CYP2A7: variants seen among roughly 807,000 people sequenced by gnomAD.
CYP2A7 encodes cytochrome P450 2A7.
Under a neutral mutation model 42.0 loss-of-function variants are expected in CYP2A7, and 36 were observed. The ratio of observed to expected loss-of-function variants is 0.86; its 90% CI spans 0.66 to 1.13. CYP2A7 has a LOEUF of 1.13. Ranked by LOEUF, CYP2A7 falls within the 50% of genes most tolerant of loss-of-function variation. The pLI is 0.00. For missense variants in CYP2A7, 661 were observed against 634.1 expected, an observed-to-expected ratio of 1.04 and a Z score of -0.46; for synonymous variants, 260 against 249.5, an observed-to-expected ratio of 1.04 and a Z score of -0.40.
Position 40,879,915 on chromosome 19 carries a change from T to A in CYP2A7, c.654+169A>T, listed in dbSNP as rs577830452. ...GAGCATCTGTTGAGCTATCCAGGTGTCCTTGGAGACAGGCTTCTGGTGCAA... is the reference window on the plus strand; with the variant it reads ...GAGCATCTGTTGAGCTATCCAGGTGACCTTGGAGACAGGCTTCTGGTGCAA... On this transcript the variant is annotated intron_variant, in intron 4 of 8. Coordinates refer to ENST00000301146, the MANE Select transcript of CYP2A7 (RefSeq NM_000764.3). Among the ~76,000 whole-genome samples, 47 of 151,270 alleles carry A rather than the reference T, an allele frequency of 3.1e-4. 3 individuals carry two copies. The highest frequency in any genetic ancestry group is 1.0e-3 in the South Asian group (5 of 4,772).
chr19:40,880,575 C>G lies in CYP2A7; in HGVS notation c.397G>C (p.Ala133Pro), dbSNP rs78754793. ...RAKQLLRFAI[A>P]TLRDFGVGKR... The stretch of plus-strand genomic sequence containing the variant: ...CCCACCCCGAAGTCCCTCAGGGTGG[C>G]GATGGCAAAGCGCAGGAGCTGCTTG... The change falls in exon 3 of 9, where the codon GCC becomes CCC. Residue 133 changes from alanine (A) to proline (P), a missense_variant. This residue lies in a region of CYP2A7 where 614 missense variants were observed against 552.4 expected (regional missense o/e 1.11). Transcript: ENST00000301146. 1.8e-3 allele frequency: 2,888 copies of G among 1,606,222 alleles called. 142 individuals carry two copies. In the African/African-American group the frequency reaches 0.03, roughly 17 times the overall value.
intron 7 of CYP2A7, 191 bp from the exon 8 acceptor site, chr19:40,876,859 A>T (rs1312097795): frequency 6.2e-6 from 5 of 804,888 alleles, no homozygotes; most frequent in Admixed American, 3.0e-5. Flanking sequence ...TTTGGGAGAC[A>T]TGGGGTCCAT....
In CYP2A7 at chr19:40,877,339, T is replaced by A; in HGVS notation, c.1012A>T (p.Asn338Tyr). Residue 338 changes from asparagine (N) to tyrosine (Y), a missense_variant, in exon 7 of 9, where the codon AAC (asparagine) becomes TAC (tyrosine). Physicochemically the swap from Asn to Tyr is moderately radical, Grantham distance 143. Transcript: ENST00000301146. ...HEEIDRVIGK[N>Y]RQPKFEDRTK... is the part of the protein sequence containing the mutation. ...CGGTCCTCAAACTTGGGCTGCCGGT[T>A]CTTGCCGATCACTCTGTCAATCTCC... The A allele has an allele frequency of 6.2e-7, 1 of 1,612,728 alleles. No homozygotes were observed. The highest frequency in any genetic ancestry group is 1.1e-5 in the South Asian group (1 of 91,012).
At chr19:40,878,318 C>T (rs1284626372) in intron 5 of CYP2A7, among the ~76,000 whole-genome samples, 1 of 151,786 alleles carries the variant, frequency 6.6e-6, no homozygotes. Context: ...CAATCCTCCA[C>T]CCTTAGCCTC....
intron 1 of CYP2A7, 69 bp from the exon 2 acceptor site, chr19:40,881,820 G>T: frequency 6.3e-7 from 1 of 1,588,012 alleles, no homozygotes; most frequent in Non-Finnish European, 8.6e-7. Context: ...GCACCGAGAT[G>T]TCAAGTACTG....
At chr19:40,878,489 C>T (rs574480714) in intron 5 of CYP2A7, among the ~76,000 whole-genome samples, 1 of 151,934 alleles carries the variant, frequency 6.6e-6, no homozygotes, top group Admixed American at 6.6e-5. Context: ...TTCGCGCCAC[C>T]ACGTGCAGCT....
At chr19:40,878,394 A>C (rs1316527512) in intron 5 of CYP2A7, among the ~76,000 whole-genome samples, 1 of 151,610 alleles carries the variant, frequency 6.6e-6, no homozygotes, top group Non-Finnish European at 1.5e-5. Flanking sequence ...ACAATTAATT[A>C]ATTTTTTTTG....
intron 7 of CYP2A7, 47 bp downstream of exon 7, chr19:40,877,143 A>G: frequency 6.3e-7 from 1 of 1,597,542 alleles, no homozygotes; most frequent in Non-Finnish European, 8.6e-7. Context: ...GGGGACACAG[A>G]GAAGGGCTGG....
At chr19:40,880,763 C>T in intron 2 of CYP2A7, 135 bp from the exon 3 acceptor site, 2 of 409,804 alleles carry the variant, frequency 4.9e-6, no homozygotes, top group East Asian at 9.9e-5. Flanking sequence ...TGCCAGTGCC[C>T]AGGACAGGTG....
chr19:40,878,353 G>T (rs568066404), intron 5 of CYP2A7, among the ~76,000 whole-genome samples: 3 of 151,602 alleles, frequency 2.0e-5, no homozygotes, highest in African/African-American at 7.3e-5. Context: ...CTGCACACGC[G>T]CATGACCATG....
chr19:40,880,644 C>CG lies in CYP2A7; in HGVS notation c.344-17dup, dbSNP rs1568527688. On this transcript the variant is annotated splice_polypyrimidine_tract_variant and intron_variant, in intron 2 of 8. Coordinates refer to ENST00000301146, the MANE Select transcript of CYP2A7 (RefSeq NM_000764.3). ...AACGCCACGCCTGGGGAGGTCAAGG[C>CG]GGGGGTGGAGAGAGGTCAGGGGGCG... is the stretch of plus-strand genomic sequence containing the variant. 7 of 1,585,068 alleles carry CG rather than the reference C, an allele frequency of 4.4e-6. 1 individual carries two copies. The highest frequency in any genetic ancestry group is 1.4e-5 in the African/African-American group (1 of 73,832).
intron 8 of CYP2A7, 65 bp downstream of exon 8, chr19:40,876,462 G>T (rs1967532068): frequency 6.2e-7 from 1 of 1,609,462 alleles, no homozygotes; most frequent in South Asian, 1.1e-5. Flanking sequence ...GCAGAGAGGG[G>T]AGGTGGGTGA....
chr19:40,881,716 G>T lies in CYP2A7; in HGVS notation c.216C>A (p.His72Gln), dbSNP rs1291440775. The T allele has an allele frequency of 6.2e-7, 1 of 1,607,746 alleles. No individual in the cohort carries two copies. Among genetic ancestry groups the T allele is most frequent in the Non-Finnish European group, 8.5e-7 (1 of 1,176,872 alleles). Residue 72 changes from histidine to glutamine, a missense_variant, in exon 2 of 9, where the codon CAC (histidine) becomes CAA (glutamine). By Grantham distance (24) the His-to-Gln change is conservative. Around this residue, in one of 3 missense-constraint regions of CYP2A7, gnomAD observed 614 missense variants for 552.4 expected, o/e 1.11. Transcript: ENST00000301146. ...GCACCACGACCCGCCGGGGCCCCAA[G>T]TGAATGGTGAACACGGGGCCATAGC... Reference protein sequence around the residue: ...SECYGPVFTIHLGPRRVVVLC... With the variant: ...SECYGPVFTIQLGPRRVVVLC...
chr19:40,880,470 C>A lies in CYP2A7; in HGVS notation c.493+9G>T. The A allele has an allele frequency of 6.2e-7, 1 of 1,611,950 alleles. No individual in the cohort carries two copies. The highest frequency in any genetic ancestry group is 1.1e-5 in the South Asian group (1 of 90,990). ...TCTCCTGCCCCCGCACTCGGGGAAC[C>A]TTACTCACCGTGCGTGCTCCGGATG... On this transcript the variant is annotated intron_variant, in intron 3 of 8. Coordinates refer to ENST00000301146, the MANE Select transcript of CYP2A7 (RefSeq NM_000764.3).
Position 40,881,572 on chromosome 19 carries a change from C to G in CYP2A7, c.343+17G>C. On this transcript the variant is annotated intron_variant, in intron 2 of 8. Coordinates refer to ENST00000301146, the MANE Select transcript of CYP2A7 (RefSeq NM_000764.3). Reference sequence around the variant, plus strand: ...GTGTCCGCCTGGCCACCTTCCCCATCTTGGGCACCCCCTCACCATAGCCTT... The same window carrying G: ...GTGTCCGCCTGGCCACCTTCCCCATGTTGGGCACCCCCTCACCATAGCCTT... 2 of 1,611,304 alleles carry G rather than the reference C, an allele frequency of 1.2e-6. No individual in the cohort carries two copies. The highest frequency in any genetic ancestry group is 1.7e-6 in the Non-Finnish European group (2 of 1,179,250).
intron 8 of CYP2A7, 76 bp downstream of exon 8, chr19:40,876,451 C>G: frequency 6.2e-7 from 1 of 1,606,772 alleles, no homozygotes; most frequent in Non-Finnish European, 8.5e-7. Context: ...CAGGCTACAC[C>G]GCAGAGAGGG....
chr19:40,881,362 G>C (rs1967679767), intron 2 of CYP2A7, among the ~76,000 whole-genome samples: 1 of 151,552 alleles, frequency 6.6e-6, no homozygotes, highest in South Asian at 2.1e-4. Context: ...CAGTGAGAGA[G>C]AATAAGGAGG....
intron 1 of CYP2A7, 125 bp downstream of exon 1, chr19:40,881,906 G>A (rs1387603228): frequency 4.0e-6 from 6 of 1,502,448 alleles, no homozygotes; most frequent in Non-Finnish European, 5.3e-6. Flanking sequence ...CTAGGACCCG[G>A]ATGCTGAAAC....
rs1175893762 is a variant in CYP2A7 at position 40,878,972 on chromosome 19, A to C, written c.655-36T>G. On this transcript the variant is annotated intron_variant, in intron 4 of 8. Transcript: ENST00000301146. ...AGAGAGAGGATGGGAAGGGAAGGAC[A>C]GCTGTCACGGGGCAGGAGCTGATGG... 4.4e-6 allele frequency: 7 copies of C among 1,586,764 alleles called. No homozygotes were observed. The South Asian group carries it at 7.9e-5, about 18-fold the overall frequency.
Sources: gnomAD v4.1 joint callset for allele counts (sites outside exome capture counted in the v4.1 genomes callset) on GRCh38, gnomAD v4.1.1 for gene constraint, gnomAD v4.1.1 regional missense constraint, MANE v1.5 for transcripts, NCBI Gene and HGNC (gene_info 2026-07-23, HGNC 2026-07-21) for gene names.